Variants in NDUFS2 observed in about 807,000 individuals in gnomAD.
The protein encoded by NDUFS2 is NADH dehydrogenase [ubiquinone] iron-sulfur protein 2, mitochondrial.
Under a neutral mutation model 69.6 loss-of-function variants are expected in NDUFS2, and 38 were observed. The ratio of observed to expected loss-of-function variants is 0.55; its 90% CI spans 0.42 to 0.72. The LOEUF is 0.72. Ranked by LOEUF, NDUFS2 falls within the 30% of genes least tolerant of loss-of-function variation. NDUFS2 has a pLI of 0.00. For missense variants in NDUFS2, 468 were observed against 595.0 expected (o/e 0.79, Z 2.22); for synonymous variants, 194 against 211.2 (o/e 0.92, Z 0.70).
At chr1:161,212,603 T>C (rs544693396) in intron 10 of NDUFS2, 123 bp downstream of exon 10, 10 of 1,318,166 alleles carry the variant, frequency 7.6e-6, no homozygotes, top group Non-Finnish European at 1.0e-5. Context: ...GTTTTACTCT[T>C]ATTGCCCAGA....
chr1:161,198,480 G>A (rs201397731), upstream of NDUFS2: 2,217 of 1,568,958 alleles, frequency 1.4e-3, 32 homozygotes, highest in East Asian at 1.1e-3. The surrounding 1 kb of genome is among the most constrained non-coding windows in gnomAD (Gnocchi z 4.7). Flanking sequence ...CTGGCCAGCC[G>A]GGCTGAGGGC....
At chr1:161,202,303 C>T (rs1487548828), upstream of NDUFS2, 3 of 1,376,940 alleles carry the variant, frequency 2.2e-6, no homozygotes, top group Non-Finnish European at 3.0e-6. Flanking sequence ...CTTCACTGTG[C>T]GAATAGGTGA....
chr1:161,203,070 G>T (rs929845910), intron 1 of NDUFS2, among the ~76,000 whole-genome samples: 1 of 152,100 alleles, frequency 6.6e-6, no homozygotes. Context: ...ACTTTGGGAG[G>T]CCTAGGCGGG....
upstream of NDUFS2, chr1:161,202,332 CGCT>C: frequency 6.5e-7 from 1 of 1,544,878 alleles, no homozygotes; most frequent in Non-Finnish European, 8.8e-7. Flanking sequence ...GAAGGAGGCG[CGCT>C]GGAGTTACTT....
rs758029512 is a variant in NDUFS2, at chr1:161,213,368, T to G, written c.1117-12T>G. ...ATATGGTTTATTGATGCTCCCTGTT[T>G]CCTCTCTTCAGACTTCCATGGAGTC... is the stretch of plus-strand genomic sequence containing the variant. On this transcript the variant is annotated splice_polypyrimidine_tract_variant and intron_variant, in intron 10 of 13. Coordinates refer to ENST00000676972, the MANE Select transcript of NDUFS2 (RefSeq NM_001377299.1). 2 of 1,587,530 alleles carry G rather than the reference T, an allele frequency of 1.3e-6. No homozygotes were observed. The highest frequency in any genetic ancestry group is 1.7e-6 in the Non-Finnish European group (2 of 1,158,160).
chr1:161,206,138 T>A (rs1665445861), intron 2 of NDUFS2, among the ~76,000 whole-genome samples: 1 of 152,000 alleles, frequency 6.6e-6, no homozygotes. Flanking sequence ...ATTAAAAAGA[T>A]ATTCTATGCA....
At position 161,212,493 on chromosome 1, in the gene NDUFS2, G is replaced by A. The variant is rs539408222; in HGVS notation, c.1116+13G>A. 23 of 1,610,610 alleles carry A rather than the reference G, an allele frequency of 1.4e-5. 1 individual carries two copies. In the South Asian group the frequency reaches 2.3e-4, roughly 16 times the overall value. On this transcript the variant is annotated intron_variant, in intron 10 of 13. Coordinates refer to ENST00000676972, the MANE Select transcript of NDUFS2 (RefSeq NM_001377299.1). ...AGCAGAGATGAAGGTTGGCTGCAGG[G>A]AGGGGGAAAGTGTGGGGTGTTGGAA...
At chr1:161,212,636 T>G (rs1038821326) in intron 10 of NDUFS2, 156 bp downstream of exon 10, 3 of 919,664 alleles carry the variant, frequency 3.3e-6, no homozygotes, top group Non-Finnish European at 4.7e-6. Flanking sequence ...CTCGGCTAAC[T>G]GCAACCTCCG....
At chr1:161,210,434 G>C (rs759971664) in intron 8 of NDUFS2, 45 bp downstream of exon 8, 137 of 1,601,320 alleles carry the variant, frequency 8.6e-5, no homozygotes, top group Non-Finnish European at 1.1e-4. Context: ...GGGTGGGAGT[G>C]GGGGAGTTCC....
chr1:161,213,571 A>G, intron 11 of NDUFS2, 78 bp from the exon 12 acceptor site: 2 of 1,549,330 alleles, frequency 1.3e-6, no homozygotes, highest in Non-Finnish European at 1.8e-6. Flanking sequence ...GAGAGAAAAC[A>G]GAATGAATAG....
In NDUFS2 at chr1:161,202,397, G is replaced by C. The variant is rs1665180594; in HGVS notation, c.12G>C (p.Leu4=). The C allele has an allele frequency of 6.2e-7, 1 of 1,612,176 alleles. No individual in the cohort carries two copies. MAA[L]RALCGFRGVA... ...GCAGCCGGAGTAAGATGGCGGCGCT[G>C]AGGGCTTTGTGCGGCTTCCGGGGCG... The change falls in exon 1 of 14, where the codon CTG becomes CTC. Residue 4 remains leucine, a synonymous_variant. Coordinates refer to ENST00000676972, the MANE Select transcript of NDUFS2 (RefSeq NM_001377299.1).
chr1:161,203,031 G>T (rs1166864273), intron 1 of NDUFS2, among the ~76,000 whole-genome samples: 1 of 152,106 alleles, frequency 6.6e-6, no homozygotes. Flanking sequence ...CATTGGCTGG[G>T]CGCGGTGGCT....
intron 1 of NDUFS2, 67 bp from the exon 2 acceptor site, chr1:161,203,370 T>C (rs1665268166): frequency 7.3e-7 from 1 of 1,376,624 alleles, no homozygotes; most frequent in Non-Finnish European, 1.0e-6. Flanking sequence ...CCCTTGAGAG[T>C]GAATGGGAAC....
In NDUFS2 at chr1:161,209,916, A is replaced by G. The variant is rs772693688; in HGVS notation, c.687A>G (p.Pro229=). ...GARMHAAYIR[P]GGVHQDLPLG... ...GAATGCATGCTGCTTATATCCGGCC[A>G]GGAGGAGTGCACCAGGTGAGCAGGT... is the stretch of plus-strand genomic sequence containing the variant. Residue 229 remains proline (P), a synonymous_variant, in exon 6 of 14, where the codon CCA becomes CCG. Coordinates refer to ENST00000676972, the MANE Select transcript of NDUFS2 (RefSeq NM_001377299.1). The G allele has an allele frequency of 1.2e-5, 19 of 1,614,102 alleles. No individual in the cohort carries two copies. Among genetic ancestry groups the G allele is most frequent in the Non-Finnish European group, 1.6e-5 (19 of 1,180,022 alleles).
At chr1:161,203,763 AT>A in intron 2 of NDUFS2, 1 of 563,360 alleles carries the variant, frequency 1.8e-6, no homozygotes, top group Non-Finnish European at 3.2e-6. Context: ...CAACTGGCTA[AT>A]TTTGAAAATT....
chr1:161,208,603 A>G (rs1213580791), intron 3 of NDUFS2, among the ~76,000 whole-genome samples: 2 of 152,130 alleles, frequency 1.3e-5, no homozygotes, highest in Non-Finnish European at 2.9e-5. Context: ...CCGGCCAAGG[A>G]CTCTTGACAG....
Position 161,213,484 on chromosome 1 carries a change from A to T in NDUFS2, c.1212+9A>T. On this transcript the variant is annotated intron_variant, in intron 11 of 13. Transcript: ENST00000676972. ...CCATTGAGGCTCCCAAGGTAAGGAG[A>T]GGAGGGGAAGGAAAAGACCATATGT... is the stretch of plus-strand genomic sequence containing the variant. The T allele has an allele frequency of 6.2e-7, 1 of 1,603,438 alleles. No individual in the cohort carries two copies. The highest frequency in any genetic ancestry group is 8.5e-7 in the Non-Finnish European group (1 of 1,171,668).
At chr1:161,213,352 A>G in intron 10 of NDUFS2, 28 bp from the exon 11 acceptor site, 3 of 1,512,526 alleles carry the variant, frequency 2.0e-6, no homozygotes, top group Non-Finnish European at 2.7e-6. Context: ...GATATGGTTT[A>G]TTGATGCTCC....
chr1:161,198,003 T>C, upstream of NDUFS2: 2 of 1,559,436 alleles, frequency 1.3e-6, no homozygotes, highest in East Asian at 2.3e-5. The surrounding 1 kb of genome is among the most constrained non-coding windows in gnomAD (Gnocchi z 4.7). Context: ...ACCTTGGCTC[T>C]TCGGGGTCTG....
Sources: gnomAD v4.1 joint callset for allele counts (sites outside exome capture counted in the v4.1 genomes callset) on GRCh38, gnomAD v4.1.1 for gene constraint, Gnocchi (gnomAD v3.1) non-coding constraint, MANE v1.5 for transcripts, NCBI Gene and HGNC (gene_info 2026-07-23, HGNC 2026-07-21) for gene names.